ACACA: variants seen among roughly 807,000 people sequenced by gnomAD.
ACACA encodes the protein acetyl-CoA carboxylase alpha.
ACACA carries 103 observed loss-of-function variants against 296.1 expected under a neutral mutation model. The observed-to-expected ratio is 0.35, with a 90% CI of 0.30 to 0.41. The LOEUF is 0.41. ACACA is among the 10% of genes least tolerant of loss of function. The pLI, the probability that ACACA is intolerant of heterozygous loss-of-function variation, is 1.00. For missense variants in ACACA, 1,554 were observed against 2,989.7 expected, an observed-to-expected ratio of 0.52 and a Z score of 11.20; for synonymous variants, 953 against 1,038.6, an observed-to-expected ratio of 0.92 and a Z score of 1.58.
chr17:37,252,077 A>T lies in ACACA; in HGVS notation c.2009T>A (p.Val670Glu), dbSNP rs749970564. Reference sequence around the variant, plus strand: ...ATCTGCCACGTGGAGGGCACCACACACAACCCCCAACATGGTGTCAGGTCG... The same window carrying T: ...ATCTGCCACGTGGAGGGCACCACACTCAACCCCCAACATGGTGTCAGGTCG... ...AERPDTMLGV[V>E]CGALHVADVS... Residue 670 changes from valine (V) to glutamate (E), a missense_variant, in exon 16 of 56, where the codon GTG (valine) becomes GAG (glutamate). Coordinates refer to ENST00000616317, the MANE Select transcript of ACACA (RefSeq NM_198834.3). 1 of 1,614,100 alleles carries T rather than the reference A, an allele frequency of 6.2e-7. No individual in the cohort carries two copies. The highest frequency in any genetic ancestry group is 1.3e-5 in the African/African-American group (1 of 74,932).
At chr17:37,106,102 C>A (rs1025843875) in intron 52 of ACACA, among the ~76,000 whole-genome samples, 7 of 151,820 alleles carry the variant, frequency 4.6e-5, no homozygotes, top group Admixed American at 1.3e-4. Flanking sequence ...TCTATGTAAT[C>A]ACATTTTCTA....
intron 28 of ACACA, among the ~76,000 whole-genome samples, chr17:37,223,041 C>T (rs2079370583): frequency 6.6e-6 from 1 of 152,136 alleles, no homozygotes; most frequent in African/African-American, 2.4e-5. Context: ...AGATAAAATA[C>T]CTAAAACACA....
At chr17:37,347,758 A>G (rs1441315411) in intron 1 of ACACA, among the ~76,000 whole-genome samples, 3 of 147,908 alleles carry the variant, frequency 2.0e-5, no homozygotes, top group African/African-American at 7.8e-5. Context: ...AAAAAAAAAA[A>G]AGAAAGAAAG....
At chr17:37,222,974 C>T (rs1330416830) in intron 28 of ACACA, among the ~76,000 whole-genome samples, 1 of 152,190 alleles carries the variant, frequency 6.6e-6, no homozygotes, top group Non-Finnish European at 1.5e-5. Context: ...ATCACTTAAC[C>T]TCTCAGAGTC....
At chr17:37,123,445 A>C (rs1463083136) in intron 48 of ACACA, among the ~76,000 whole-genome samples, 1 of 152,212 alleles carries the variant, frequency 6.6e-6, no homozygotes, top group Non-Finnish European at 1.5e-5. Context: ...AAAATCAGAG[A>C]GCAAGACAAA....
intron 47 of ACACA, among the ~76,000 whole-genome samples, chr17:37,128,024 C>CAAAAAAAAAAAA (rs1173864454): frequency 2.0e-4 from 8 of 39,734 alleles, no homozygotes; most frequent in East Asian, 1.0e-3. Context: ...AACTCCATCT[C>CAAAAAAAAAAAA]AAAAAAAAAA....
chr17:37,119,586 CCAAACACA>C (rs2074418196), intron 50 of ACACA, among the ~76,000 whole-genome samples: 1 of 110,434 alleles, frequency 9.1e-6, no homozygotes, highest in African/African-American at 3.4e-5. Flanking sequence ...AACTTTTCAA[CCAAACACA>C]CACACACACA....
chr17:37,134,025 C>T (rs191438126), intron 45 of ACACA, among the ~76,000 whole-genome samples: 15 of 152,212 alleles, frequency 9.9e-5, no homozygotes, highest in Admixed American at 5.9e-4. Context: ...TTGCAGCCGG[C>T]GGACCTAAGA....
chr17:37,354,919 A>T (rs1384082021), intron 1 of ACACA, among the ~76,000 whole-genome samples: 1 of 152,152 alleles, frequency 6.6e-6, no homozygotes, highest in Non-Finnish European at 1.5e-5. Flanking sequence ...TGACACAGCG[A>T]GAGAATCTCT....
At chr17:37,334,109 A>G (rs1439298294) in intron 2 of ACACA, among the ~76,000 whole-genome samples, 1 of 151,950 alleles carries the variant, frequency 6.6e-6, no homozygotes, top group Non-Finnish European at 1.5e-5. Flanking sequence ...AATGAACAAA[A>G]CACTCAAATG....
intron 10 of ACACA, among the ~76,000 whole-genome samples, chr17:37,269,379 A>T (rs1274418520): frequency 2.0e-5 from 3 of 152,204 alleles, no homozygotes; most frequent in Non-Finnish European, 4.4e-5. Flanking sequence ...TTCTAAGTCA[A>T]AATTGCATTT....
intron 41 of ACACA, among the ~76,000 whole-genome samples, chr17:37,171,978 T>A (rs2076900220): frequency 6.6e-6 from 1 of 152,178 alleles, no homozygotes; most frequent in Non-Finnish European, 1.5e-5. Context: ...CCTTGTCCAT[T>A]AATCATACGA....
intron 51 of ACACA, 143 bp from the exon 52 acceptor site, chr17:37,111,786 C>A: frequency 1.4e-6 from 1 of 703,028 alleles, no homozygotes; most frequent in Non-Finnish European, 2.6e-6. Context: ...AGACATCTCC[C>A]CGGGGAGAAC....
chr17:37,111,749 T>C (rs2073982154), intron 51 of ACACA, 106 bp from the exon 52 acceptor site: 2 of 856,170 alleles, frequency 2.3e-6, no homozygotes, highest in Non-Finnish European at 3.9e-6. Flanking sequence ...AATAGCTTCA[T>C]TATCATTTTG....
chr17:37,376,826 G>A (rs2050024574), intron 1 of ACACA, among the ~76,000 whole-genome samples: 1 of 152,050 alleles, frequency 6.6e-6, no homozygotes, highest in African/African-American at 2.4e-5. Flanking sequence ...ATGGTGGCAT[G>A]CACCTGTAAT....
chr17:37,360,484 T>C (rs921254232), intron 1 of ACACA: 2 of 152,118 alleles, frequency 1.3e-5, no homozygotes, highest in Non-Finnish European at 2.9e-5. Context: ...CCTAAGAATT[T>C]ATCAACCCAT....
At chr17:37,179,132 A>G in intron 41 of ACACA, 128 bp downstream of exon 41, 1 of 1,169,978 alleles carries the variant, frequency 8.5e-7, no homozygotes, top group Non-Finnish European at 1.3e-6. Context: ...ATACTCAGTC[A>G]ATGCTCTCTC....
intron 25 of ACACA, among the ~76,000 whole-genome samples, chr17:37,228,919 G>A (rs1363988524): frequency 5.9e-5 from 9 of 152,032 alleles, no homozygotes; most frequent in Non-Finnish European, 1.0e-4. Flanking sequence ...CGAGGAGGGC[G>A]GATCACGAGG....
chr17:37,201,045 A>G (rs900422617), intron 33 of ACACA, among the ~76,000 whole-genome samples: 1 of 152,204 alleles, frequency 6.6e-6, no homozygotes, highest in Non-Finnish European at 1.5e-5. Context: ...GCATTTTTTA[A>G]AAACTCTCTC....
Sources: gnomAD v4.1 joint callset for allele counts (sites outside exome capture counted in the v4.1 genomes callset) on GRCh38, gnomAD v4.1.1 for gene constraint, MANE v1.5 for transcripts, NCBI Gene and HGNC (gene_info 2026-07-23, HGNC 2026-07-21) for gene names.